Variants in SARM1 observed in about 807,000 individuals in gnomAD.
The protein encoded by SARM1 is NAD(+) hydrolase SARM1.
A neutral mutation model predicts 65.1 loss-of-function variants in SARM1; 60 were observed. That is an observed-to-expected ratio of 0.92 (90% CI 0.75 to 1.14). The LOEUF is 1.14. Ranked by LOEUF, SARM1 falls within the 50% of genes most tolerant of loss-of-function variation. The probability of loss-of-function intolerance (pLI) is 0.00; values close to 1 mark genes in which losing one functional copy is unlikely to be tolerated. For missense variants in SARM1, 913 were observed against 1,015.7 expected, an observed-to-expected ratio of 0.90 and a Z score of 1.37; for synonymous variants, 417 against 465.4, an observed-to-expected ratio of 0.90 and a Z score of 1.34.
rs1314335520 is a variant in SARM1 at position 28,399,810 on chromosome 17, A to G, written c.*3524A>G. The G allele has an allele frequency of 1.5e-6, 2 of 1,299,762 alleles. No homozygotes were observed. Among genetic ancestry groups the G allele is most frequent in the Non-Finnish European group, 2.2e-6 (2 of 900,518 alleles). The allele number at this position is 1,299,762 out of a possible 1,614,324, so 80.5% of individuals were successfully genotyped here. ...AGGATTTACTGGGGTGGGCTGGTCC[A>G]GGTAGCTCTCCTGAACCTCCTCCTT... is the stretch of plus-strand genomic sequence containing the variant. On this transcript the variant is annotated 3_prime_UTR_variant, in exon 9 of 9. Transcript: ENST00000585482.
chr17:28,382,641 T>G (rs782419552), intron 2 of SARM1, among the ~76,000 whole-genome samples: 27 of 152,194 alleles, frequency 1.8e-4, no homozygotes, highest in Non-Finnish European at 3.4e-4. Flanking sequence ...ATTTTTATCT[T>G]CTGGAAAATT....
chr17:28,372,582 C>G lies in SARM1; in HGVS notation c.470+80C>G, dbSNP rs1406088943. ...GCCTGCGTTCCCGTGTGCCTTGCGC[C>G]GTGCCTTTGCCTCCCTCACCTCTCT... On this transcript the variant is annotated intron_variant, in intron 1 of 8. Transcript: ENST00000585482. This position sits in a 1 kb window ranked among gnomAD's most constrained non-coding sequence, Gnocchi z 5.2. 4 of 1,144,296 alleles carry G rather than the reference C, an allele frequency of 3.5e-6. No individual in the cohort carries two copies. The highest frequency in any genetic ancestry group is 1.6e-5 in the African/African-American group (1 of 61,652). 70.9% of individuals were successfully genotyped at this position (1,144,296 alleles called of 1,614,324 possible). A position where few individuals can be genotyped will look rare whatever the true frequency, so the allele number is the denominator to read the frequency against.
Position 28,401,982 on chromosome 17 carries a change from CT to C in SARM1, c.*5697del. On this transcript the variant is annotated 3_prime_UTR_variant, in exon 9 of 9. Coordinates refer to ENST00000585482, the MANE Select transcript of SARM1 (RefSeq NM_015077.4). ...CTGAGGTCTGCAGAGAGTAAATCCT[CT>C]GCTCTGGTTATCTAGAAAGAACATA... The C allele has an allele frequency of 2.7e-6, 1 of 368,756 alleles. No homozygotes were observed. Among genetic ancestry groups the C allele is most frequent in the Non-Finnish European group, 5.0e-6 (1 of 200,080 alleles). 22.8% of individuals were successfully genotyped at this position (368,756 alleles called of 1,614,324 possible).
Position 28,380,920 on chromosome 17 carries a change from G to T in SARM1, c.471-283G>T, listed in dbSNP as rs566435112. ...CGGGCTGAGAAGAAACCAGGACCCA[G>T]GGGATCTGCTCCTGAGCTGAGGCTC... On this transcript the variant is annotated intron_variant, in intron 1 of 8. Coordinates refer to ENST00000585482, the MANE Select transcript of SARM1 (RefSeq NM_015077.4). 2.6e-5 allele frequency among the ~76,000 whole-genome samples: 4 copies of T among 152,360 alleles called. No homozygotes were observed. The South Asian group carries it at 8.3e-4, about 32-fold the overall frequency.
In SARM1 at chr17:28,372,579, CGCCGTGCCTTT is replaced by C; in HGVS notation, c.470+81_470+91del. 8.3e-7 allele frequency: 1 copy of C among 1,197,718 alleles called. No homozygotes were observed. Among genetic ancestry groups the C allele is most frequent in the Non-Finnish European group, 1.1e-6 (1 of 882,834 alleles). The allele number at this position is 1,197,718 out of a possible 1,614,324, so 74.2% of individuals were successfully genotyped here. ...AGCGCCTGCGTTCCCGTGTGCCTTG[CGCCGTGCCTTT>C]GCCTCCCTCACCTCTCTGACTGCCT... On this transcript the variant is annotated intron_variant, in intron 1 of 8. Coordinates refer to ENST00000585482, the MANE Select transcript of SARM1 (RefSeq NM_015077.4). This position sits in a 1 kb window ranked among gnomAD's most constrained non-coding sequence, Gnocchi z 5.2.
In SARM1 at chr17:28,381,623, G is replaced by A. The variant is rs1555585301; in HGVS notation, c.891G>A (p.Glu297=). ...GCTCGGGCACGCTGGCGCTCGTGGA[G>A]CCGCTTGTGGCCTCGCTGGACCCTG... is the stretch of plus-strand genomic sequence containing the variant. ...VERSGTLALV[E]PLVASLDPGR... The change falls in exon 2 of 9, where the codon GAG becomes GAA. Residue 297 remains glutamate, a synonymous_variant. Transcript: ENST00000585482. 1.3e-6 allele frequency: 2 copies of A among 1,570,556 alleles called. No homozygotes were observed. Among genetic ancestry groups the A allele is most frequent in the Non-Finnish European group, 1.7e-6 (2 of 1,159,206 alleles).
At chr17:28,394,296 G>A (rs986927690) in intron 7 of SARM1, among the ~76,000 whole-genome samples, 3 of 152,228 alleles carry the variant, frequency 2.0e-5, no homozygotes, top group Non-Finnish European at 4.4e-5. Flanking sequence ...AGATAATGGG[G>A]ATTGGAAGAG....
Position 28,384,733 on chromosome 17 carries a change from C to A in SARM1, c.1303-106C>A. 1 of 1,242,606 alleles carries A rather than the reference C, an allele frequency of 8.0e-7. No homozygotes were observed. The highest frequency in any genetic ancestry group is 1.9e-4 in the Middle Eastern group (1 of 5,278). 77.0% of individuals were successfully genotyped at this position (1,242,606 alleles called of 1,614,324 possible). A position where few individuals can be genotyped will look rare whatever the true frequency, so the allele number is the denominator to read the frequency against. ...GGGTCACTCGGCTCTGATCTAGGTCCCATCCGCCTCCTCCACGCCATCTCC... is the reference window on the plus strand; with the variant it reads ...GGGTCACTCGGCTCTGATCTAGGTCACATCCGCCTCCTCCACGCCATCTCC... On this transcript the variant is annotated intron_variant, in intron 3 of 8. Transcript: ENST00000585482. The surrounding 1 kb of genome is among the most constrained non-coding windows in gnomAD (Gnocchi z 4.4).
At position 28,381,255 on chromosome 17, in the gene SARM1, C is replaced by G; in HGVS notation, c.523C>G (p.Arg175Gly). The change falls in exon 2 of 9, where the codon CGC becomes GGC. Residue 175 changes from arginine (R) to glycine (G), a missense_variant. Coordinates refer to ENST00000585482, the MANE Select transcript of SARM1 (RefSeq NM_015077.4). ...LGVILNLAKE[R>G]EPVELARSVA... is the part of the protein sequence containing the mutation. ...CGTGATCCTGAACCTGGCGAAGGAA[C>G]GCGAACCCGTAGAGCTGGCGCGGAG... The G allele has an allele frequency of 1.2e-6, 2 of 1,610,656 alleles. No homozygotes were observed. Among genetic ancestry groups the G allele is most frequent in the South Asian group, 2.2e-5 (2 of 90,216 alleles).
chr17:28,374,766 C>T (rs2067979440), intron 1 of SARM1, among the ~76,000 whole-genome samples: 1 of 151,914 alleles, frequency 6.6e-6, no homozygotes, highest in African/African-American at 2.4e-5. Context: ...CACTTGAGGC[C>T]AGGAGTTCAA....
At chr17:28,376,187 A>T (rs1471391541) in intron 1 of SARM1, among the ~76,000 whole-genome samples, 2 of 152,088 alleles carry the variant, frequency 1.3e-5, no homozygotes, top group East Asian at 3.9e-4. Flanking sequence ...GACTCAAAAT[A>T]AAGTCCTAGG....
At position 28,402,337 on chromosome 17, in the gene SARM1, C is replaced by G; in HGVS notation, c.*6051C>G. 2 of 1,609,334 alleles carry G rather than the reference C, an allele frequency of 1.2e-6. No homozygotes were observed. The highest frequency in any genetic ancestry group is 1.7e-6 in the Non-Finnish European group (2 of 1,177,120). The stretch of plus-strand genomic sequence containing the variant: ...AACCCATATCCTGTGGAGAAACAAA[C>G]ACTCATCAGGAAAATGGGGCTGGGG... On this transcript the variant is annotated 3_prime_UTR_variant, in exon 9 of 9. Transcript: ENST00000585482.
In SARM1 at chr17:28,376,403, CAAAA is replaced by C. The variant is rs58695374; in HGVS notation, c.470+3919_470+3922del. Reference sequence around the variant, plus strand: ...TAAAACTCTGTCTCTACTAAAAATACAAAAAAAAAAAAAAAAAAAAAGAGCCAGG... The same window carrying C: ...TAAAACTCTGTCTCTACTAAAAATACAAAAAAAAAAAAAAAAAGAGCCAGG... On this transcript the variant is annotated intron_variant, in intron 1 of 8. Coordinates refer to ENST00000585482, the MANE Select transcript of SARM1 (RefSeq NM_015077.4). Among the ~76,000 whole-genome samples the C allele has an allele frequency of 1.2e-4, 10 of 84,002 alleles. No individual in the cohort carries two copies. The East Asian group carries it at 1.8e-3, about 15-fold the overall frequency. The allele number at this position is 84,002 out of a possible 152,430, so 55.1% of individuals were successfully genotyped here. A position where few individuals can be genotyped will look rare whatever the true frequency, so the allele number is the denominator to read the frequency against.
In SARM1 at chr17:28,381,574, A is replaced by G. The variant is rs782032148; in HGVS notation, c.842A>G (p.Lys281Arg). Residue 281 changes from lysine to arginine, a missense_variant, in exon 2 of 9, where the codon AAG (lysine) becomes AGG (arginine). Physicochemically the swap from Lys to Arg is conservative, Grantham distance 26. This residue lies in a region of SARM1 where 862 missense variants were observed against 952.1 expected (regional missense o/e 0.91). Coordinates refer to ENST00000585482, the MANE Select transcript of SARM1 (RefSeq NM_015077.4). ...GCAGTAGCGGTGTTGGCGACTAACAAGGAGGTGGAGCGCGAGGTGGAGCGC... is the reference window on the plus strand; with the variant it reads ...GCAGTAGCGGTGTTGGCGACTAACAGGGAGGTGGAGCGCGAGGTGGAGCGC... ...CLAVAVLATN[K>R]EVEREVERSG... 8.2e-5 allele frequency: 130 copies of G among 1,592,424 alleles called. No individual in the cohort carries two copies. Among genetic ancestry groups the G allele is most frequent in the Admixed American group, 1.4e-4 (8 of 57,180 alleles).
rs1555585842 is a variant in SARM1 at position 28,385,184 on chromosome 17, C to T, written c.1539C>T (p.Ser513=). The T allele has an allele frequency of 6.2e-7, 1 of 1,609,068 alleles. No individual in the cohort carries two copies. Among genetic ancestry groups the T allele is most frequent in the Non-Finnish European group, 8.5e-7 (1 of 1,178,720 alleles). ...YGLVSCGLDR[S]LLHRVSEQQL... is the part of the protein sequence containing the mutation. ...TGGTCAGCTGCGGCCTGGACCGCTCCCTGCTGCACCGCGTGTCTGAGCAGC... is the reference window on the plus strand; with the variant it reads ...TGGTCAGCTGCGGCCTGGACCGCTCTCTGCTGCACCGCGTGTCTGAGCAGC... Residue 513 remains serine, a synonymous_variant, in exon 5 of 9, where the codon TCC becomes TCT. Transcript: ENST00000585482. The surrounding 1 kb of genome is among the most constrained non-coding windows in gnomAD (Gnocchi z 4.5).
chr17:28,388,343 C>A lies in SARM1; in HGVS notation c.1734-7C>A. On this transcript the variant is annotated splice_region_variant and splice_polypyrimidine_tract_variant and intron_variant, in intron 6 of 8. Transcript: ENST00000585482. ...GGCTGTGGCACTGACACAGGACTTA[C>A]TTGCAGTCTCCTGAAGGTGCACCTG... is the stretch of plus-strand genomic sequence containing the variant. The A allele has an allele frequency of 6.2e-7, 1 of 1,613,610 alleles. No homozygotes were observed. The highest frequency in any genetic ancestry group is 2.2e-5 in the East Asian group (1 of 44,882).
rs371692238 is a variant in SARM1 at position 28,381,385 on chromosome 17, C to G, written c.653C>G (p.Thr218Arg). The G allele has an allele frequency of 1.3e-6, 2 of 1,560,132 alleles. No homozygotes were observed. The highest frequency in any genetic ancestry group is 1.7e-6 in the Non-Finnish European group (2 of 1,152,824). The change falls in exon 2 of 9, where the codon ACG (threonine) becomes AGG (arginine). Residue 218 changes from threonine (T) to arginine (R), a missense_variant. Transcript: ENST00000585482. ...LDAVLYWCRR[T>R]DPALLRHCAL... is the part of the protein sequence containing the mutation. ...GCGGTGCTGTATTGGTGCCGCCGCA[C>G]GGACCCCGCGCTGCTGCGCCACTGC...
chr17:28,391,212 C>G, intron 7 of SARM1, among the ~76,000 whole-genome samples: 1 of 152,124 alleles, frequency 6.6e-6, no homozygotes, highest in Admixed American at 6.6e-5. Context: ...CACTACAAAT[C>G]AAAGTTTTGT....
At position 28,384,286 on chromosome 17, in the gene SARM1, G is replaced by A; in HGVS notation, c.1090-71G>A. On this transcript the variant is annotated intron_variant, in intron 2 of 8. Transcript: ENST00000585482. The surrounding 1 kb of genome is among the most constrained non-coding windows in gnomAD (Gnocchi z 4.4). ...TGGGTTGTGAGAAGAGACAAGGAGA[G>A]GGACTGGGCACGTGTGGGAGCACCT... is the stretch of plus-strand genomic sequence containing the variant. 1.6e-6 allele frequency: 2 copies of A among 1,282,188 alleles called. No individual in the cohort carries two copies. The highest frequency in any genetic ancestry group is 1.1e-6 in the Non-Finnish European group (1 of 925,956). 79.4% of individuals were successfully genotyped at this position (1,282,188 alleles called of 1,614,324 possible).
Sources: gnomAD v4.1 joint callset for allele counts (sites outside exome capture counted in the v4.1 genomes callset) on GRCh38, gnomAD v4.1.1 for gene constraint, gnomAD v4.1.1 regional missense constraint, Gnocchi (gnomAD v3.1) non-coding constraint, MANE v1.5 for transcripts, NCBI Gene and HGNC (gene_info 2026-07-23, HGNC 2026-07-21) for gene names.